Variants in ZNF467 observed in about 807,000 individuals in gnomAD.
ZNF467 encodes zinc finger protein EZI.
ZNF467 carries 51 observed loss-of-function variants against 47.8 expected under a neutral mutation model. That is an observed-to-expected ratio of 1.07 (90% CI 0.85 to 1.35). ZNF467 has a LOEUF of 1.35. Ranked by LOEUF, ZNF467 falls within the 40% of genes most tolerant of loss-of-function variation. The probability of loss-of-function intolerance (pLI) is 0.00; values close to 1 mark genes in which losing one functional copy is unlikely to be tolerated. For missense variants in ZNF467, 992 were observed against 858.1 expected (o/e 1.16, Z -1.95); for synonymous variants, 416 against 372.9 (o/e 1.12, Z -1.33).
Position 149,764,774 on chromosome 7 carries a change from G to A in ZNF467, c.1728C>T (p.Ala576=). The A allele has an allele frequency of 6.6e-7, 1 of 1,524,670 alleles. No individual in the cohort carries two copies. Among genetic ancestry groups the A allele is most frequent in the Non-Finnish European group, 8.8e-7 (1 of 1,136,144 alleles). 94.4% of individuals were successfully genotyped at this position (1,524,670 alleles called of 1,614,324 possible). ...GAGCGGACCAGGCTGGGGCCGCAAG[G>A]GCGGCGTCCGGGGCCGCGTGGGCGG... is the stretch of plus-strand genomic sequence containing the variant. ...GEAAHAAPDA[A]LAAPAWSAPP... The change falls in exon 5 of 5, where the codon GCC becomes GCT. Residue 576 remains alanine, a synonymous_variant. Coordinates refer to ENST00000302017, the MANE Select transcript of ZNF467 (RefSeq NM_207336.3).
At chr7:149,774,917 A>C (rs892353156), upstream of ZNF467, among the ~76,000 whole-genome samples, 6 of 152,108 alleles carry the variant, frequency 3.9e-5, no homozygotes, top group African/African-American at 1.4e-4. The surrounding 1 kb of genome is among the most constrained non-coding windows in gnomAD (Gnocchi z 5.7). Context: ...CCTAGGTGGA[A>C]TGACTCTACA....
At position 149,769,210 on chromosome 7, in the gene ZNF467, A is replaced by G. The variant is rs1043497229; in HGVS notation, c.152-10T>C. 6.5e-6 allele frequency: 10 copies of G among 1,549,680 alleles called. No individual in the cohort carries two copies. In the East Asian group the frequency reaches 2.4e-4, roughly 38 times the overall value. ...GTAGGGGCCTCGTGCCCTGGCAGAG[A>G]ATAGGATACCTCAAGGACTCTGGAG... On this transcript the variant is annotated splice_polypyrimidine_tract_variant and intron_variant, in intron 3 of 4. Coordinates refer to ENST00000302017, the MANE Select transcript of ZNF467 (RefSeq NM_207336.3). This position sits in a 1 kb window ranked among gnomAD's most constrained non-coding sequence, Gnocchi z 5.3.
chr7:149,775,460 G>A (rs1374742121), upstream of ZNF467, among the ~76,000 whole-genome samples: 3 of 152,182 alleles, frequency 2.0e-5, no homozygotes, highest in Non-Finnish European at 4.4e-5. Flanking sequence ...CCCATCAGTC[G>A]TTTAGCCCAG....
chr7:149,767,966 T>A (rs1293778363), intron 4 of ZNF467, among the ~76,000 whole-genome samples: 2 of 152,166 alleles, frequency 1.3e-5, no homozygotes, highest in African/African-American at 2.4e-5. Flanking sequence ...CAAGCTGCTC[T>A]CCTCCCCTTT....
intron 4 of ZNF467, among the ~76,000 whole-genome samples, 197 bp from the exon 5 acceptor site, chr7:149,766,436 A>C (rs1799225382): frequency 6.6e-6 from 1 of 152,092 alleles, no homozygotes; most frequent in African/African-American, 2.4e-5. Context: ...GCGTGTGAAC[A>C]CCACACGGCT....
chr7:149,769,082 A>G lies in ZNF467; in HGVS notation c.262+8T>C, dbSNP rs1437014539. The G allele has an allele frequency of 1.3e-6, 2 of 1,541,006 alleles. No individual in the cohort carries two copies. Among genetic ancestry groups the G allele is most frequent in the African/African-American group, 2.7e-5 (2 of 72,782 alleles). On this transcript the variant is annotated splice_region_variant and intron_variant, in intron 4 of 4. Transcript: ENST00000302017. The surrounding 1 kb of genome is among the most constrained non-coding windows in gnomAD (Gnocchi z 5.3). ...CCCGTGGTGGGATGAAGTGATGGGA[A>G]GACTCACCTGGGCAGGTACCCACAG... is the stretch of plus-strand genomic sequence containing the variant.
Position 149,765,513 on chromosome 7 carries a change from G to T in ZNF467, c.989C>A (p.Pro330His), listed in dbSNP as rs1799161403. 1.3e-6 allele frequency: 2 copies of T among 1,579,364 alleles called. No homozygotes were observed. The highest frequency in any genetic ancestry group is 2.3e-5 in the East Asian group (1 of 43,598). Reference protein sequence around the residue: ...RVHQTAGPARPSPDSSASPHS... With the variant: ...RVHQTAGPARHSPDSSASPHS... ...AGGAGAAGCGGACGAGTCGGGAGAG[G>T]GCCTGGCCGGGCCGGCCGTCTGGTG... The change falls in exon 5 of 5, where the codon CCC becomes CAC. Residue 330 changes from proline (P) to histidine (H), a missense_variant. Transcript: ENST00000302017.
At chr7:149,776,074 G>T (rs372265232), upstream of ZNF467, 1 of 1,365,106 alleles carries the variant, frequency 7.3e-7, no homozygotes, top group South Asian at 1.1e-5. Flanking sequence ...TTGGGATGGC[G>T]TGGGCCCTGG....
At position 149,771,086 on chromosome 7, in the gene ZNF467, A is replaced by G. The variant is rs1245428962; in HGVS notation, c.-42-12T>C. 6.2e-7 allele frequency: 1 copy of G among 1,612,702 alleles called. No homozygotes were observed. The highest frequency in any genetic ancestry group is 1.3e-5 in the African/African-American group (1 of 74,888). On this transcript the variant is annotated splice_polypyrimidine_tract_variant and intron_variant, in intron 1 of 4. Coordinates refer to ENST00000302017, the MANE Select transcript of ZNF467 (RefSeq NM_207336.3). ...TCAGGCCACAGAACCTATGGAGAAA[A>G]GACAGCCTTGTTCAGATTTTTCCCA...
At chr7:149,770,911 T>C in intron 2 of ZNF467, 88 bp downstream of exon 2, 1 of 1,559,130 alleles carries the variant, frequency 6.4e-7, no homozygotes, top group Non-Finnish European at 8.8e-7. Context: ...GGTTGCAGCC[T>C]CCTGAGGGTG....
rs750763116 is a variant in ZNF467, at chr7:149,765,928, C to G, written c.574G>C (p.Asp192His). ...CGCTGCGTGAAGCTGCGGCCGCAGTCCGGGCAGGCGCAGGGGCCCTCGCCC... is the reference window on the plus strand; with the variant it reads ...CGCTGCGTGAAGCTGCGGCCGCAGTGCGGGCAGGCGCAGGGGCCCTCGCCC... ...HRGEGPCACP[D>H]CGRSFTQRAH... The change falls in exon 5 of 5, where the codon GAC (aspartate) becomes CAC (histidine). Residue 192 changes from aspartate to histidine, a missense_variant. By Grantham distance (81) the Asp-to-His change is moderately conservative (BLOSUM62 -1). Coordinates refer to ENST00000302017, the MANE Select transcript of ZNF467 (RefSeq NM_207336.3). 2.6e-6 allele frequency: 4 copies of G among 1,556,370 alleles called. No individual in the cohort carries two copies. The East Asian group carries it at 9.7e-5, about 38-fold the overall frequency.
upstream of ZNF467, chr7:149,776,212 C>A: frequency 9.3e-7 from 1 of 1,075,136 alleles, no homozygotes; most frequent in Non-Finnish European, 1.2e-6. Context: ...ACCCCCGCCA[C>A]TTCCCATGAG....
chr7:149,772,761 C>A (rs975633216), intron 1 of ZNF467, among the ~76,000 whole-genome samples: 2 of 141,096 alleles, frequency 1.4e-5, no homozygotes, highest in Non-Finnish European at 3.1e-5. Context: ...GCGCCCGCTT[C>A]TTCCTCCCCT....
chr7:149,771,005 A>T lies in ZNF467; in HGVS notation c.28T>A (p.Ser10Thr), dbSNP rs1370503326. 4 of 1,613,872 alleles carry T rather than the reference A, an allele frequency of 2.5e-6. No homozygotes were observed. Among genetic ancestry groups the T allele is most frequent in the Non-Finnish European group, 3.4e-6 (4 of 1,179,942 alleles). Residue 10 changes from serine (S) to threonine (T), a missense_variant, in exon 2 of 5, where the codon TCC (serine) becomes ACC (threonine). By Grantham distance (58) the Ser-to-Thr change is moderately conservative. Transcript: ENST00000302017. ...TTCATTTCTGCCAGCTCACCCAGGG[A>T]GCTGAGGGCCTCCAAGGTCTCTCTC... Reference protein sequence around the residue: MRETLEALSSLGFSVGQPEM... With the variant: MRETLEALSTLGFSVGQPEM...
In ZNF467 at chr7:149,769,174, C is replaced by A. The variant is rs773885949; in HGVS notation, c.178G>T (p.Gly60Cys). 4 of 1,560,762 alleles carry A rather than the reference C, an allele frequency of 2.6e-6. No homozygotes were observed. Among genetic ancestry groups the A allele is most frequent in the Admixed American group, 3.8e-5 (2 of 52,776 alleles). Reference sequence around the variant, plus strand: ...GCCTCGGCTTGTTCTGTGTGGGCACCTTCCTCCGGTGTAGGGGCCTCGTGC... The same window carrying A: ...GCCTCGGCTTGTTCTGTGTGGGCACATTCCTCCGGTGTAGGGGCCTCGTGC... ...SGHEAPTPEE[G>C]AHTEQAEAPC... Residue 60 changes from glycine to cysteine, a missense_variant, in exon 4 of 5, where the codon GGT becomes TGT. Gly to Cys is a radical substitution (Grantham distance 159). Coordinates refer to ENST00000302017, the MANE Select transcript of ZNF467 (RefSeq NM_207336.3). The surrounding 1 kb of genome is among the most constrained non-coding windows in gnomAD (Gnocchi z 5.3).
rs1404610147 is a variant in ZNF467, at chr7:149,765,425, G to A, written c.1077C>T (p.Asp359=). 2.5e-6 allele frequency: 4 copies of A among 1,578,478 alleles called. No homozygotes were observed. Among genetic ancestry groups the A allele is most frequent in the Admixed American group, 1.9e-5 (1 of 53,800 alleles). ...TTTTCCAGCCGAAGCTCAAGCCGCAGTCGGAGCACGCGAAAGGCTTTGGCC... is the reference window on the plus strand; with the variant it reads ...TTTTCCAGCCGAAGCTCAAGCCGCAATCGGAGCACGCGAAAGGCTTTGGCC... ...FPGPKPFACS[D]CGLSFGWKKN... The change falls in exon 5 of 5, where the codon GAC becomes GAT. Residue 359 remains aspartate (D), a synonymous_variant. Transcript: ENST00000302017.
Position 149,764,928 on chromosome 7 carries a change from C to T in ZNF467, c.1574G>A (p.Ser525Asn), listed in dbSNP as rs1176856504. The T allele has an allele frequency of 1.9e-6, 3 of 1,574,164 alleles. No homozygotes were observed. Among genetic ancestry groups the T allele is most frequent in the African/African-American group, 1.4e-5 (1 of 73,574 alleles). Reference protein sequence around the residue: ...HACAVCARSFSSKTNLVRHQA... With the variant: ...HACAVCARSFNSKTNLVRHQA... Reference sequence around the variant, plus strand: ...GTGGCGGACTAGGTTGGTTTTGGAGCTGAAGCTGCGGGCGCAGACGGCGCA... The same window carrying T: ...GTGGCGGACTAGGTTGGTTTTGGAGTTGAAGCTGCGGGCGCAGACGGCGCA... Residue 525 changes from serine (S) to asparagine (N), a missense_variant, in exon 5 of 5, where the codon AGC becomes AAC. Coordinates refer to ENST00000302017, the MANE Select transcript of ZNF467 (RefSeq NM_207336.3).
chr7:149,765,467 C>T lies in ZNF467; in HGVS notation c.1035G>A (p.Pro345=). ...GCTTTGGCCCGGGAAAGGATGGGGT[C>T]GGGGACGGGGCAGTGGAATGAGGAG... is the stretch of plus-strand genomic sequence containing the variant. The part of the protein sequence containing the change: ...SASPHSTAPS[P]TPSFPGPKPF... The change falls in exon 5 of 5, where the codon CCG becomes CCA. Residue 345 remains proline (P), a synonymous_variant. Coordinates refer to ENST00000302017, the MANE Select transcript of ZNF467 (RefSeq NM_207336.3). 1 of 1,585,000 alleles carries T rather than the reference C, an allele frequency of 6.3e-7. No homozygotes were observed. The highest frequency in any genetic ancestry group is 1.1e-5 in the South Asian group (1 of 87,018).
chr7:149,774,294 C>T (rs1008344418), upstream of ZNF467, among the ~76,000 whole-genome samples: 2 of 152,180 alleles, frequency 1.3e-5, no homozygotes, highest in African/African-American at 4.8e-5. The surrounding 1 kb of genome is among the most constrained non-coding windows in gnomAD (Gnocchi z 5.7). Context: ...TCCCGCTGCG[C>T]CCACTCCTGA....
Sources: gnomAD v4.1 joint callset for allele counts (sites outside exome capture counted in the v4.1 genomes callset) on GRCh38, gnomAD v4.1.1 for gene constraint, Gnocchi (gnomAD v3.1) non-coding constraint, MANE v1.5 for transcripts, NCBI Gene and HGNC (gene_info 2026-07-23, HGNC 2026-07-21) for gene names.